Variants in TNPO3 observed in about 807,000 individuals in gnomAD.
TNPO3 encodes transportin 3.
In TNPO3, 65 loss-of-function variants were observed where a neutral mutation model predicts 122.8. That is an observed-to-expected ratio of 0.53 (90% CI 0.43 to 0.65). The LOEUF (loss-of-function observed/expected upper bound fraction) is 0.65. Among genes scored for constraint, TNPO3 ranks in the 30% least tolerant of loss-of-function variants. The pLI, the probability that TNPO3 is intolerant of heterozygous loss-of-function variation, is 0.00. For missense variants in TNPO3, 850 were observed against 1,136.7 expected, an observed-to-expected ratio of 0.75 and a Z score of 3.63; for synonymous variants, 372 against 411.2, an observed-to-expected ratio of 0.90 and a Z score of 1.15.
At chr7:128,994,489 T>C (rs879392886) in intron 8 of TNPO3, among the ~76,000 whole-genome samples, 5 of 151,944 alleles carry the variant, frequency 3.3e-5, no homozygotes, top group Non-Finnish European at 5.9e-5. Flanking sequence ...TGTTTTGTTG[T>C]TGGAAAAATG....
chr7:129,035,743 T>C (rs1020430033), intron 1 of TNPO3, among the ~76,000 whole-genome samples: 12 of 152,066 alleles, frequency 7.9e-5, no homozygotes, highest in Non-Finnish European at 1.8e-4. Flanking sequence ...TAATAAAACA[T>C]CACCAATAGA....
intron 1 of TNPO3, among the ~76,000 whole-genome samples, chr7:129,043,385 A>C (rs1807640475): frequency 1.3e-5 from 2 of 152,186 alleles, no homozygotes; most frequent in Admixed American, 1.3e-4. Context: ...AGACTGCGTG[A>C]CAGAGTGAAA....
intron 21 of TNPO3, among the ~76,000 whole-genome samples, chr7:128,965,605 A>G (rs528683496): frequency 1.2e-4 from 19 of 152,356 alleles, no homozygotes; most frequent in African/African-American, 4.3e-4. Flanking sequence ...TGGGTATCCA[A>G]AAGAATTGAA....
intron 17 of TNPO3, 54 bp downstream of exon 17, chr7:128,975,765 A>G: frequency 9.7e-7 from 1 of 1,031,304 alleles, no homozygotes; most frequent in East Asian, 2.4e-5. Flanking sequence ...ATACGCTGCT[A>G]GGCCTTCAGA....
chr7:128,972,573 C>T lies in TNPO3; in HGVS notation c.2283G>A (p.Gln761=). ...DLFRLATRFI[Q]RSPVTLLRSQ... ...TCCGCAGCAAGGTGACAGGGCTACG[C>T]TGAATAAACCTGGTGTGGAAAGTGA... Residue 761 remains glutamine (Q), a synonymous_variant, in exon 19 of 23, where the codon CAG becomes CAA. Coordinates refer to ENST00000265388, the MANE Select transcript of TNPO3 (RefSeq NM_012470.4). The T allele has an allele frequency of 1.2e-6, 2 of 1,613,084 alleles. No individual in the cohort carries two copies. Among genetic ancestry groups the T allele is most frequent in the East Asian group, 4.5e-5 (2 of 44,864 alleles).
intron 22 of TNPO3, 112 bp from the exon 23 acceptor site, chr7:128,955,497 T>G (rs1339086978): frequency 5.7e-6 from 2 of 349,710 alleles, no homozygotes; most frequent in Non-Finnish European, 1.1e-5. Flanking sequence ...TTCTGAAGTC[T>G]GCCAATAAGA....
At chr7:129,040,110 C>T (rs1377048856) in intron 1 of TNPO3, among the ~76,000 whole-genome samples, 1 of 152,074 alleles carries the variant, frequency 6.6e-6, no homozygotes, top group Non-Finnish European at 1.5e-5. Context: ...CAAAAATTAG[C>T]CGGGCGTGGT....
intron 5 of TNPO3, among the ~76,000 whole-genome samples, chr7:129,003,662 C>G (rs1475908580): frequency 2.0e-5 from 3 of 152,046 alleles, no homozygotes; most frequent in Non-Finnish European, 4.4e-5. Flanking sequence ...GGGAGACACC[C>G]TGACTCCCTG....
chr7:128,989,561 C>T (rs77779294), intron 11 of TNPO3, among the ~76,000 whole-genome samples: 8,266 of 152,170 alleles, frequency 0.054, 776 homozygotes, highest in African/African-American at 0.19. Context: ...TAATTCTTGG[C>T]TTTTAAATGA....
chr7:128,992,036 G>C lies in TNPO3; in HGVS notation c.1321C>G (p.Leu441Val). 6.2e-7 allele frequency: 1 copy of C among 1,611,156 alleles called. No homozygotes were observed. The highest frequency in any genetic ancestry group is 8.5e-7 in the Non-Finnish European group (1 of 1,178,660). ...NPPWEVTEAV[L>V]FIMAAIAKSV... ...TTTGCTATAGCAGCCATGATAAAGAGAACCGCTTCTGTCACCTCCCAGGGT... is the reference window on the plus strand; with the variant it reads ...TTTGCTATAGCAGCCATGATAAAGACAACCGCTTCTGTCACCTCCCAGGGT... Residue 441 changes from leucine (L) to valine (V), a missense_variant, in exon 10 of 23, where the codon CTC becomes GTC. Transcript: ENST00000265388.
chr7:128,991,364 G>T (rs1800728507), intron 10 of TNPO3, among the ~76,000 whole-genome samples: 2 of 152,142 alleles, frequency 1.3e-5, no homozygotes, highest in South Asian at 4.1e-4. Context: ...TTGACTGCAG[G>T]TATCAGGTCA....
At chr7:129,033,200 A>G (rs1399225136) in intron 1 of TNPO3, among the ~76,000 whole-genome samples, 3 of 152,236 alleles carry the variant, frequency 2.0e-5, no homozygotes, top group African/African-American at 7.2e-5. Flanking sequence ...ACCTGAAACT[A>G]TAAAACTCTT....
chr7:128,969,920 T>C (rs914449902), intron 20 of TNPO3, among the ~76,000 whole-genome samples: 1 of 152,204 alleles, frequency 6.6e-6, no homozygotes, highest in African/African-American at 2.4e-5. Context: ...TTACTTCTGG[T>C]AATATACCCC....
At chr7:129,019,340 T>C (rs1804202888) in intron 1 of TNPO3, among the ~76,000 whole-genome samples, 1 of 152,196 alleles carries the variant, frequency 6.6e-6, no homozygotes, top group Non-Finnish European at 1.5e-5. Context: ...AATTTAGGAA[T>C]AGTGTCTATT....
At chr7:128,993,373 T>C (rs1800957735) in intron 9 of TNPO3, among the ~76,000 whole-genome samples, 1 of 152,194 alleles carries the variant, frequency 6.6e-6, no homozygotes, top group African/African-American at 2.4e-5. Context: ...GGGACGAAAC[T>C]GCACAGGAAT....
At chr7:129,011,614 T>C (rs1803209346) in intron 4 of TNPO3, among the ~76,000 whole-genome samples, 1 of 152,020 alleles carries the variant, frequency 6.6e-6, no homozygotes, top group Non-Finnish European at 1.5e-5. Flanking sequence ...AGTGCTGGGA[T>C]TACAGGCATG....
chr7:128,967,249 C>T, intron 21 of TNPO3, 31 bp downstream of exon 21: 1 of 1,328,818 alleles, frequency 7.5e-7, no homozygotes, highest in Non-Finnish European at 1.1e-6. Context: ...CCACATCCCA[C>T]ACCTCCTTAA....
chr7:128,973,959 AG>A (rs1394500522), intron 18 of TNPO3, among the ~76,000 whole-genome samples: 1 of 151,884 alleles, frequency 6.6e-6, no homozygotes, highest in Non-Finnish European at 1.5e-5. Context: ...GGATCACCTG[AG>A]GCCAGGAGTT....
At chr7:128,969,991 G>C (rs950963650) in intron 20 of TNPO3, among the ~76,000 whole-genome samples, 157 bp downstream of exon 20, 1 of 152,096 alleles carries the variant, frequency 6.6e-6, no homozygotes, top group Non-Finnish European at 1.5e-5. Flanking sequence ...TGATCTTTAC[G>C]GGCCTCTTCA....
Sources: gnomAD v4.1 joint callset for allele counts (sites outside exome capture counted in the v4.1 genomes callset) on GRCh38, gnomAD v4.1.1 for gene constraint, MANE v1.5 for transcripts, NCBI Gene and HGNC (gene_info 2026-07-23, HGNC 2026-07-21) for gene names.